The following ZNF730 variants were observed in gnomAD, a reference collection of about 807,000 sequenced individuals.
ZNF730 encodes zinc finger protein 730, also known as putative zinc finger protein 730.
In ZNF730, 12 loss-of-function variants were observed where a neutral mutation model predicts 12.6. The ratio of observed to expected loss-of-function variants is 0.95; its 90% CI spans 0.61 to 1.54. ZNF730 has a LOEUF of 1.54. Ranked by LOEUF, ZNF730 falls within the 40% of genes most tolerant of loss-of-function variation. The pLI, the probability that ZNF730 is intolerant of heterozygous loss-of-function variation, is 0.00. For synonymous variants in ZNF730, 194 were observed against 195.8 expected (o/e 0.99, Z 0.08); for missense variants, 643 against 583.5 (o/e 1.10, Z -1.05).
At chr19:23,118,099 A>G (rs561056527) in intron 1 of ZNF730, among the ~76,000 whole-genome samples, 214 of 152,250 alleles carry the variant, frequency 1.4e-3, no homozygotes, top group Non-Finnish European at 2.4e-3. Flanking sequence ...ATTATCCCAA[A>G]TGCCAACTTT....
chr19:23,134,443 G>A (rs1025248385), intron 2 of ZNF730, among the ~76,000 whole-genome samples: 1 of 140,568 alleles, frequency 7.1e-6, no homozygotes, highest in African/African-American at 2.7e-5. Flanking sequence ...GCGGAGGGGG[G>A]TCGGCCAGCC....
chr19:23,129,849 C>A (rs1197896110), intron 1 of ZNF730, among the ~76,000 whole-genome samples: 1 of 151,776 alleles, frequency 6.6e-6, no homozygotes, highest in Non-Finnish European at 1.5e-5. Context: ...AAAAAATTAG[C>A]CGGATGTGGT....
intron 3 of ZNF730, chr19:23,143,966 T>C (rs1053922842): frequency 6.6e-6 from 1 of 152,134 alleles, no homozygotes; most frequent in Non-Finnish European, 1.5e-5. Flanking sequence ...TTTTTCTTAC[T>C]GAGGGATTTT....
intron 1 of ZNF730, among the ~76,000 whole-genome samples, chr19:23,078,074 G>C (rs1406289303): frequency 6.6e-6 from 1 of 152,114 alleles, no homozygotes; most frequent in Non-Finnish European, 1.5e-5. Flanking sequence ...GCCAGGTATT[G>C]TCCAAGGTTT....
intron 1 of ZNF730, among the ~76,000 whole-genome samples, chr19:23,076,039 A>G (rs571931308): frequency 7.1e-6 from 1 of 141,356 alleles, no homozygotes; most frequent in South Asian, 2.2e-4. Context: ...TGCCTTCCTA[A>G]TGTGTGGCAA....
intron 1 of ZNF730, among the ~76,000 whole-genome samples, chr19:23,085,017 A>G (rs1157294953): frequency 6.6e-6 from 1 of 152,194 alleles, no homozygotes; most frequent in Non-Finnish European, 1.5e-5. Context: ...TTCTGTCTTT[A>G]GGTCTTTAAA....
Position 23,145,229 on chromosome 19 carries a change from A to T in ZNF730, c.227-42A>T, listed in dbSNP as rs751892415. On this transcript the variant is annotated intron_variant, in intron 3 of 3. Transcript: ENST00000597761. ...TAGGTTAGGTTTATAAACTATACTC[A>T]GTCTAGTACATGCAGTAATTTGTTA... 9.9e-6 allele frequency: 13 copies of T among 1,315,142 alleles called. No homozygotes were observed. In the African/African-American group the frequency reaches 1.8e-4, roughly 18 times the overall value. 81.5% of individuals were successfully genotyped at this position (1,315,142 alleles called of 1,614,324 possible). A position where few individuals can be genotyped will look rare whatever the true frequency, so the allele number is the denominator to read the frequency against.
intron 2 of ZNF730, among the ~76,000 whole-genome samples, chr19:23,134,511 C>G (rs1228772490): frequency 7.1e-6 from 1 of 141,826 alleles, no homozygotes; most frequent in Middle Eastern, 4.1e-3. Context: ...CCGCCCCGTC[C>G]GGGAGGTGAG....
At chr19:23,107,448 C>CAAAAA (rs1206631075) in intron 1 of ZNF730, among the ~76,000 whole-genome samples, 2 of 4,944 alleles carry the variant, frequency 4.0e-4, no homozygotes, top group African/African-American at 1.6e-3. Context: ...AAAAAAAATA[C>CAAAAA]CAAAAAAAAA....
At chr19:23,088,370 T>C (rs1212639870) in intron 1 of ZNF730, among the ~76,000 whole-genome samples, 1 of 152,206 alleles carries the variant, frequency 6.6e-6, no homozygotes, top group East Asian at 1.9e-4. Context: ...TTCAGTATAA[T>C]GTTGGCTGTG....
At chr19:23,097,394 A>G (rs1224726066) in intron 1 of ZNF730, among the ~76,000 whole-genome samples, 1 of 151,812 alleles carries the variant, frequency 6.6e-6, no homozygotes, top group East Asian at 1.9e-4. Flanking sequence ...AATGATATAT[A>G]TTGCTGATTT....
upstream of ZNF730, among the ~76,000 whole-genome samples, chr19:23,112,186 C>T (rs1317198812): frequency 6.6e-6 from 1 of 152,160 alleles, no homozygotes; most frequent in East Asian, 1.9e-4. Context: ...CATAGGAGAT[C>T]TTAAAGCTAA....
chr19:23,076,827 A>G (rs1163557697), intron 1 of ZNF730, among the ~76,000 whole-genome samples: 1 of 152,176 alleles, frequency 6.6e-6, no homozygotes, highest in Non-Finnish European at 1.5e-5. Flanking sequence ...CTAGCAATCC[A>G]GTTATTGGGT....
intron 1 of ZNF730, among the ~76,000 whole-genome samples, chr19:23,108,577 G>A (rs1443684101): frequency 4.0e-5 from 6 of 151,848 alleles, no homozygotes; most frequent in Admixed American, 2.0e-4. Flanking sequence ...TTAGCAGCTC[G>A]GTCTATAGTC....
At chr19:23,143,280 G>A (rs1162887314) in intron 3 of ZNF730, among the ~76,000 whole-genome samples, 2 of 151,794 alleles carry the variant, frequency 1.3e-5, no homozygotes, top group South Asian at 2.1e-4. Context: ...TTTTTGGTTT[G>A]GTAAAAAATT....
At chr19:23,135,562 G>T (rs886578932) in intron 2 of ZNF730, among the ~76,000 whole-genome samples, 14 of 151,978 alleles carry the variant, frequency 9.2e-5, no homozygotes, top group African/African-American at 3.1e-4. Context: ...CCAGGCTGGA[G>T]TGCAGTGGCA....
At chr19:23,114,444 A>C (rs551550469), upstream of ZNF730, among the ~76,000 whole-genome samples, 128 of 150,062 alleles carry the variant, frequency 8.5e-4, 2 homozygotes, top group South Asian at 0.014. Context: ...GTAGTTGGGA[A>C]TACAGGCGCC....
intron 1 of ZNF730, among the ~76,000 whole-genome samples, chr19:23,090,470 C>T (rs1970138965): frequency 6.6e-6 from 1 of 152,096 alleles, no homozygotes; most frequent in Non-Finnish European, 1.5e-5. Context: ...CTTTTAAAAG[C>T]ACTCTGTTTT....
chr19:23,082,133 CTTT>C lies in ZNF730; in HGVS notation c.-94+6747_-94+6749del, dbSNP rs561025025. On this transcript the variant is annotated intron_variant, in intron 1 of 2. Coordinates refer to the ZNF730 transcript ENST00000593635. The stretch of plus-strand genomic sequence containing the variant: ...TAGAAAACCAGAACTTACTCTTCTT[CTTT>C]AATTGTAACTTAATATTTGTTAAGT... Among the ~76,000 whole-genome samples, 1,471 of 152,310 alleles carry C rather than the reference CTTT, an allele frequency of 9.7e-3. 12 individuals carry two copies. Among genetic ancestry groups the C allele is most frequent in the Non-Finnish European group, 0.015 (1,028 of 68,024 alleles).
Sources: allele counts gnomAD v4.1 joint callset (sites outside exome capture counted in the v4.1 genomes callset), GRCh38; gene constraint gnomAD v4.1.1; transcripts MANE v1.5; gene names NCBI Gene and HGNC (gene_info 2026-07-23, HGNC 2026-07-21).